Variants in KIAA1549 observed in about 807,000 individuals in gnomAD.
KIAA1549 encodes UPF0606 protein KIAA1549.
A neutral mutation model predicts 156.4 loss-of-function variants in KIAA1549; 70 were observed. That is an observed-to-expected ratio of 0.45 (90% CI 0.37 to 0.55). KIAA1549 has a LOEUF of 0.55. Among genes scored for constraint, KIAA1549 ranks in the 20% least tolerant of loss-of-function variants. KIAA1549 has a pLI of 0.00. For synonymous variants in KIAA1549, 1,103 were observed against 1,066.4 expected (o/e 1.03, Z -0.67); for missense variants, 2,428 against 2,540.9 (o/e 0.96, Z 0.96).
intron 10 of KIAA1549, among the ~76,000 whole-genome samples, chr7:138,890,939 T>C (rs1403975943): frequency 6.6e-6 from 1 of 152,186 alleles, no homozygotes; most frequent in Non-Finnish European, 1.5e-5. Context: ...TTATGACCTT[T>C]GCTCTAGCTT....
intron 1 of KIAA1549, among the ~76,000 whole-genome samples, chr7:138,945,800 G>A (rs957345628): frequency 1.1e-4 from 17 of 152,004 alleles, no homozygotes; most frequent in African/African-American, 4.1e-4. Context: ...AGTGGCTCAC[G>A]CCTGTAATCC....
At chr7:138,899,503 G>A (rs1376620339) in intron 8 of KIAA1549, among the ~76,000 whole-genome samples, 1 of 152,160 alleles carries the variant, frequency 6.6e-6, no homozygotes, top group African/African-American at 2.4e-5. Flanking sequence ...TGTAGGATTA[G>A]GTACATCCCT....
intron 1 of KIAA1549, among the ~76,000 whole-genome samples, chr7:138,929,361 G>A (rs966944389): frequency 6.6e-6 from 1 of 151,982 alleles, no homozygotes; most frequent in African/African-American, 2.4e-5. Context: ...GTGACTCCTC[G>A]TCTGTTTAAG....
chr7:138,847,463 G>A (rs6467813), intron 17 of KIAA1549, among the ~76,000 whole-genome samples: 103,740 of 152,120 alleles, frequency 0.68, 35,654 homozygotes, highest in East Asian at 0.92. Flanking sequence ...AAAATAAGTA[G>A]GAAGCAGATA....
chr7:138,950,630 G>T (rs1467365005), intron 1 of KIAA1549, among the ~76,000 whole-genome samples: 2 of 152,228 alleles, frequency 1.3e-5, no homozygotes, highest in Non-Finnish European at 2.9e-5. Flanking sequence ...AGTTCGGTTT[G>T]CTGCAAAAGG....
At chr7:138,879,963 G>C (rs989830730) in intron 11 of KIAA1549, among the ~76,000 whole-genome samples, 4 of 152,200 alleles carry the variant, frequency 2.6e-5, no homozygotes, top group African/African-American at 9.7e-5. Context: ...CTGGCCCCTA[G>C]TCTTTTCTGG....
intron 6 of KIAA1549, among the ~76,000 whole-genome samples, chr7:138,906,474 C>A (rs568463527): frequency 6.6e-6 from 1 of 152,234 alleles, no homozygotes; most frequent in African/African-American, 2.4e-5. Flanking sequence ...GTGAACTCTC[C>A]GATCATATCT....
At position 138,981,338 on chromosome 7, in the gene KIAA1549, G is replaced by T. The variant is rs2130588247; in HGVS notation, c.-69C>A. 1 of 643,744 alleles carries T rather than the reference G, an allele frequency of 1.6e-6. No individual in the cohort carries two copies. The highest frequency in any genetic ancestry group is 6.8e-5 in the South Asian group (1 of 14,728). 39.9% of individuals were successfully genotyped at this position (643,744 alleles called of 1,614,324 possible). ...CGGGTCCGGGAGGGGCGGCCGCTGC[G>T]GCTGCGGCTGGGACGGGGCGCCGCG... On this transcript the variant is annotated 5_prime_UTR_variant, in exon 1 of 20. Transcript: ENST00000422774. The surrounding 1 kb of genome is among the most constrained non-coding windows in gnomAD (Gnocchi z 4.5).
Position 138,840,189 on chromosome 7 carries a change from A to G in KIAA1549, c.5542T>C (p.Tyr1848His). Residue 1848 changes from tyrosine to histidine, a missense_variant, in exon 19 of 20, where the codon TAT becomes CAT. Tyr to His is a moderately conservative substitution (Grantham distance 83). This residue lies in a region of KIAA1549 where 363 missense variants were observed against 354.0 expected (regional missense o/e 1.03). Transcript: ENST00000422774. Reference protein sequence around the residue: ...VEIPPSRGSQYGGPGWPSYGE... With the variant: ...VEIPPSRGSQHGGPGWPSYGE... ...TACGAAGGCCAGCCTGGCCCCCCAT[A>G]CTGGCTGCCTCTGCTTGGCGGGATT... 1 of 1,565,152 alleles carries G rather than the reference A, an allele frequency of 6.4e-7. No homozygotes were observed.
chr7:138,894,695 C>T (rs911943845), intron 9 of KIAA1549, among the ~76,000 whole-genome samples, 169 bp from the exon 10 acceptor site: 3 of 152,176 alleles, frequency 2.0e-5, no homozygotes, highest in African/African-American at 7.2e-5. Context: ...AGAAACACAA[C>T]ATACAATGTT....
intron 10 of KIAA1549, 29 bp downstream of exon 10, chr7:138,894,313 G>A (rs1811621651): frequency 1.2e-6 from 2 of 1,611,434 alleles, no homozygotes; most frequent in African/African-American, 1.3e-5. Context: ...CTGCTTATAG[G>A]AACACTGGGG....
chr7:138,975,654 C>T (rs1814355084), intron 1 of KIAA1549, among the ~76,000 whole-genome samples: 1 of 152,176 alleles, frequency 6.6e-6, no homozygotes, highest in Admixed American at 6.5e-5. Context: ...TTTTTTAACT[C>T]ACCTTTTAAC....
intron 1 of KIAA1549, among the ~76,000 whole-genome samples, chr7:138,926,383 T>A (rs1464525610): frequency 6.6e-6 from 1 of 151,990 alleles, no homozygotes; most frequent in Non-Finnish European, 1.5e-5. Flanking sequence ...GCCTCTTAGG[T>A]TCACGCGACT....
At position 138,903,685 on chromosome 7, in the gene KIAA1549, T is replaced by G. The variant is rs1395832197; in HGVS notation, c.3572A>C (p.Glu1191Ala). The change falls in exon 8 of 20, where the codon GAG becomes GCG. Residue 1191 changes from glutamate (E) to alanine (A), a missense_variant. This residue lies in a region of KIAA1549 where 762 missense variants were observed against 901.6 expected (regional missense o/e 0.85). Transcript: ENST00000422774. ...KQLQNEVFQA[E>A]MERKLAQLLS... Reference sequence around the variant, plus strand: ...CAGCTGGGCCAGCTTGCGTTCCATCTCGGCTTGAAACACTTCATTCTGGAG... The same window carrying G: ...CAGCTGGGCCAGCTTGCGTTCCATCGCGGCTTGAAACACTTCATTCTGGAG... The G allele has an allele frequency of 6.2e-7, 1 of 1,609,604 alleles. No individual in the cohort carries two copies. Among genetic ancestry groups the G allele is most frequent in the African/African-American group, 1.3e-5 (1 of 74,942 alleles).
chr7:138,958,308 G>C (rs1199874934), intron 1 of KIAA1549, among the ~76,000 whole-genome samples: 1 of 152,150 alleles, frequency 6.6e-6, no homozygotes, highest in Admixed American at 6.5e-5. Context: ...CACCCACGAT[G>C]CTCATTCTCT....
chr7:138,919,001 T>A lies in KIAA1549; in HGVS notation c.625A>T (p.Thr209Ser), dbSNP rs535256475. 5.0e-5 allele frequency: 80 copies of A among 1,614,020 alleles called. No homozygotes were observed. The East Asian group carries it at 1.7e-3, about 35-fold the overall frequency. ...CGCGTTGTGTTCTGCCAGCCCGATG[T>A]CACTTCTTCATCTTGTAAAGAAACC... is the stretch of plus-strand genomic sequence containing the variant. ...PMVSLQDEEV[T>S]SGWQNTTRQP... The change falls in exon 2 of 20, where the codon ACA becomes TCA. Residue 209 changes from threonine (T) to serine (S), a missense_variant. Around this residue, in one of 5 missense-constraint regions of KIAA1549, gnomAD observed 893 missense variants for 847.9 expected, o/e 1.05. Transcript: ENST00000422774.
chr7:138,911,434 T>C (rs1210352557), intron 3 of KIAA1549, 111 bp from the exon 4 acceptor site: 2 of 775,946 alleles, frequency 2.6e-6, no homozygotes, highest in African/African-American at 3.6e-5. Context: ...GAAGGGGTAG[T>C]GCATCACGGA....
At chr7:138,943,081 C>T (rs1813231215) in intron 1 of KIAA1549, among the ~76,000 whole-genome samples, 3 of 152,178 alleles carry the variant, frequency 2.0e-5, no homozygotes, top group East Asian at 1.9e-4. Flanking sequence ...TGCCCTCCAC[C>T]GCGAGGAAGC....
intron 8 of KIAA1549, among the ~76,000 whole-genome samples, chr7:138,902,876 C>T (rs1811880745): frequency 1.3e-5 from 2 of 151,892 alleles, no homozygotes; most frequent in Admixed American, 1.3e-4. Flanking sequence ...GCAGTGTCAT[C>T]CAAAGGTTAA....
Sources: allele counts gnomAD v4.1 joint callset (sites outside exome capture counted in the v4.1 genomes callset), GRCh38; gene constraint gnomAD v4.1.1; regional missense constraint gnomAD v4.1.1; non-coding constraint Gnocchi (gnomAD v3.1); transcripts MANE v1.5; gene names NCBI Gene and HGNC (gene_info 2026-07-23, HGNC 2026-07-21).